NBEA: variants seen among roughly 807,000 people sequenced by gnomAD.
NBEA encodes the protein lysosomal-trafficking regulator 2.
A neutral mutation model predicts 343.4 loss-of-function variants in NBEA; 44 were observed. That is an observed-to-expected ratio of 0.13 (90% confidence interval 0.10 to 0.16). NBEA has a LOEUF of 0.16. Ranked by LOEUF, NBEA falls within the 10% of genes least tolerant of loss-of-function variation. NBEA has a pLI of 1.00. For synonymous variants in NBEA, 1,175 were observed against 1,238.7 expected, an observed-to-expected ratio of 0.95 and a Z score of 1.08; for missense variants, 2,555 against 3,631.3, an observed-to-expected ratio of 0.70 and a Z score of 7.62.
intron 41 of NBEA, among the ~76,000 whole-genome samples, chr13:35,535,126 A>C (rs2078471989): frequency 6.6e-6 from 1 of 152,132 alleles, no homozygotes; most frequent in South Asian, 2.1e-4. Context: ...TATTTGTGAA[A>C]GGTACTCATT....
chr13:35,075,496 T>A (rs1331502597), intron 10 of NBEA, among the ~76,000 whole-genome samples: 2 of 152,052 alleles, frequency 1.3e-5, no homozygotes, highest in African/African-American at 2.4e-5. Flanking sequence ...AAGCATTTTT[T>A]AAAATTACAA....
At position 35,523,645 on chromosome 13, in the gene NBEA, A is replaced by G. The variant is rs796674349; in HGVS notation, c.6586-26832A>G. On this transcript the variant is annotated intron_variant, in intron 41 of 58. Transcript: ENST00000379939. ...CCTCTCCTGGGGGTTGTTTGACATCATAAATACACTGACATACAATTTTTC... is the reference window on the plus strand; with the variant it reads ...CCTCTCCTGGGGGTTGTTTGACATCGTAAATACACTGACATACAATTTTTC... Among the ~76,000 whole-genome samples, 5 of 152,332 alleles carry G rather than the reference A, an allele frequency of 3.3e-5. No individual in the cohort carries two copies. In the East Asian group the frequency reaches 9.7e-4, roughly 29 times the overall value.
At chr13:34,983,691 C>G (rs2060442684) in intron 1 of NBEA, among the ~76,000 whole-genome samples, 1 of 152,108 alleles carries the variant, frequency 6.6e-6, no homozygotes. Context: ...CTGTTGTTTC[C>G]TGACTTTCTA....
At chr13:35,107,046 G>C (rs2065954454) in intron 11 of NBEA, among the ~76,000 whole-genome samples, 1 of 151,764 alleles carries the variant, frequency 6.6e-6, no homozygotes, top group African/African-American at 2.4e-5. Context: ...GAATGTATCA[G>C]ATCATGTTCT....
chr13:35,398,498 T>A (rs1355439825), intron 38 of NBEA, among the ~76,000 whole-genome samples: 1 of 152,136 alleles, frequency 6.6e-6, no homozygotes, highest in African/African-American at 2.4e-5. Flanking sequence ...TTGAAATAAC[T>A]CCTTGATGCA....
intron 39 of NBEA, among the ~76,000 whole-genome samples, chr13:35,444,347 A>G (rs1231130771): frequency 1.3e-5 from 2 of 152,008 alleles, no homozygotes; most frequent in Admixed American, 6.6e-5. Context: ...CTGAAAAGGT[A>G]TTTGTTGCTC....
chr13:35,667,714 T>C, intron 57 of NBEA, 144 bp downstream of exon 57: 1 of 776,360 alleles, frequency 1.3e-6, no homozygotes, highest in Non-Finnish European at 2.0e-6. Context: ...TCTTGCGGAC[T>C]GGTACTTTAA....
Position 35,134,267 on chromosome 13 carries a change from G to A in NBEA, c.2337-8002G>A, listed in dbSNP as rs369072473. On this transcript the variant is annotated intron_variant, in intron 17 of 58. Transcript: ENST00000379939. ...AATTGATAATACATACAGATATAGA[G>A]AAATTGAGTAATAGATTCATAAAAC... 1.8e-4 allele frequency among the ~76,000 whole-genome samples: 28 copies of A among 151,740 alleles called. No individual in the cohort carries two copies. The East Asian group carries it at 4.9e-3, about 26-fold the overall frequency.
At chr13:35,482,247 T>C (rs2076146902) in intron 41 of NBEA, among the ~76,000 whole-genome samples, 1 of 151,710 alleles carries the variant, frequency 6.6e-6, no homozygotes, top group African/African-American at 2.4e-5. Flanking sequence ...TTATCATGTA[T>C]ATTATGTGCA....
chr13:35,451,615 A>C (rs1435351994), intron 39 of NBEA, among the ~76,000 whole-genome samples: 2 of 152,206 alleles, frequency 1.3e-5, no homozygotes, highest in Non-Finnish European at 2.9e-5. Flanking sequence ...TTTGCTGCAT[A>C]CTTATCCACT....
intron 4 of NBEA, among the ~76,000 whole-genome samples, chr13:35,045,874 C>T (rs576828534): frequency 2.6e-5 from 4 of 152,024 alleles, no homozygotes; most frequent in Non-Finnish European, 4.4e-5. Context: ...ATTACAGACA[C>T]CCGCCACCAT....
At chr13:35,096,668 A>C (rs2065347971) in intron 10 of NBEA, among the ~76,000 whole-genome samples, 1 of 151,938 alleles carries the variant, frequency 6.6e-6, no homozygotes, top group African/African-American at 2.4e-5. Flanking sequence ...GGTGTATGTA[A>C]GAATTCTATG....
intron 48 of NBEA, among the ~76,000 whole-genome samples, chr13:35,619,452 C>T (rs1177198376): frequency 1.3e-5 from 2 of 152,016 alleles, no homozygotes; most frequent in African/African-American, 2.4e-5. Flanking sequence ...GAACTGCAAC[C>T]GCTTGCAAAA....
intron 21 of NBEA, among the ~76,000 whole-genome samples, chr13:35,158,137 A>G (rs1330933798): frequency 6.6e-6 from 1 of 152,108 alleles, no homozygotes; most frequent in Non-Finnish European, 1.5e-5. Context: ...GTTTTGTCCC[A>G]TGGGCCTTAT....
At chr13:35,044,279 T>C (rs1456417068) in intron 2 of NBEA, among the ~76,000 whole-genome samples, 4 of 152,166 alleles carry the variant, frequency 2.6e-5, no homozygotes, top group African/African-American at 9.6e-5. Context: ...GTCTATGTTC[T>C]TGGGCAATGG....
chr13:35,474,878 C>T, intron 41 of NBEA: 1 of 725,758 alleles, frequency 1.4e-6, no homozygotes, highest in South Asian at 2.1e-5. Flanking sequence ...CATCCGCTTC[C>T]CCTACTTTTT....
chr13:35,235,990 C>G (rs948485969), intron 34 of NBEA, among the ~76,000 whole-genome samples: 2 of 152,148 alleles, frequency 1.3e-5, no homozygotes, highest in Non-Finnish European at 2.9e-5. Context: ...TAACTTTCTA[C>G]ATTCAAAGAA....
At chr13:35,003,707 C>T (rs1279205164) in intron 1 of NBEA, among the ~76,000 whole-genome samples, 1 of 152,226 alleles carries the variant, frequency 6.6e-6, no homozygotes, top group East Asian at 1.9e-4. Flanking sequence ...CATCCATATA[C>T]ATTTTATTTC....
At chr13:35,393,293 G>C (rs1427294806) in intron 38 of NBEA, among the ~76,000 whole-genome samples, 1 of 152,076 alleles carries the variant, frequency 6.6e-6, no homozygotes, top group Non-Finnish European at 1.5e-5. Flanking sequence ...ACAACTAAAT[G>C]TAAAATTGTA....
Sources: allele counts gnomAD v4.1 joint callset (sites outside exome capture counted in the v4.1 genomes callset), GRCh38; gene constraint gnomAD v4.1.1; transcripts MANE v1.5; gene names NCBI Gene and HGNC (gene_info 2026-07-23, HGNC 2026-07-21).